Variants in RRBP1 observed in about 807,000 individuals in gnomAD.
The protein encoded by RRBP1 is ribosome binding protein 1.
Under a neutral mutation model 165.2 loss-of-function variants are expected in RRBP1, and 94 were observed. The observed-to-expected ratio is 0.57, with a 90% CI of 0.48 to 0.68. RRBP1 has a LOEUF of 0.68. Ranked by LOEUF, RRBP1 falls within the 30% of genes least tolerant of loss-of-function variation. The pLI, the probability that RRBP1 is intolerant of heterozygous loss-of-function variation, is 0.00. For synonymous variants in RRBP1, 680 were observed against 714.5 expected (o/e 0.95, Z 0.77); for missense variants, 1,676 against 1,763.0 (o/e 0.95, Z 0.88).
intron 18 of RRBP1, 40 bp from the exon 19 acceptor site, chr20:17,619,768 G>A (rs570748595): frequency 2.0e-6 from 3 of 1,476,470 alleles, no homozygotes; most frequent in Non-Finnish European, 2.8e-6. Flanking sequence ...TGCGCCAGCA[G>A]CCTCTGCTCA....
intron 3 of RRBP1, among the ~76,000 whole-genome samples, chr20:17,658,037 G>A (rs1052928335): frequency 1.3e-5 from 2 of 152,160 alleles, no homozygotes; most frequent in Admixed American, 6.5e-5. Flanking sequence ...ACTGTGTGGT[G>A]GACAGAATTA....
rs571729505 is a variant in RRBP1, at chr20:17,668,757, C to T, written c.-21-8229G>A. Among the ~76,000 whole-genome samples, 3 of 152,184 alleles carry T rather than the reference C, an allele frequency of 2.0e-5. No individual in the cohort carries two copies. The South Asian group carries it at 6.2e-4, about 31-fold the overall frequency. On this transcript the variant is annotated intron_variant, in intron 2 of 24. Coordinates refer to ENST00000377813, the MANE Select transcript of RRBP1 (RefSeq NM_001365613.2). ...TCCCAGTCTCAGACAAAATCCCATTCCCCCTGGACATTAAAGCCAAAGACT... is the reference window on the plus strand; with the variant it reads ...TCCCAGTCTCAGACAAAATCCCATTTCCCCTGGACATTAAAGCCAAAGACT...
intron 7 of RRBP1, 104 bp downstream of exon 7, chr20:17,635,442 G>A: frequency 1.2e-6 from 1 of 813,740 alleles, no homozygotes; most frequent in Non-Finnish European, 2.0e-6. Flanking sequence ...CACATGTAGG[G>A]CCCATGCCTG....
At chr20:17,656,903 T>C (rs1394811486) in intron 3 of RRBP1, among the ~76,000 whole-genome samples, 1 of 152,240 alleles carries the variant, frequency 6.6e-6, no homozygotes, top group East Asian at 1.9e-4. Flanking sequence ...ACTCAAGCTG[T>C]TGTGTTACGT....
chr20:17,631,095 G>C (rs1014846824), intron 8 of RRBP1, among the ~76,000 whole-genome samples: 1 of 152,216 alleles, frequency 6.6e-6, no homozygotes, highest in Non-Finnish European at 1.5e-5. Flanking sequence ...TTAGAACGTA[G>C]CAGGGGATTA....
At chr20:17,623,193 G>A (rs1158327751) in intron 13 of RRBP1, 1 of 152,254 alleles carries the variant, frequency 6.6e-6, no homozygotes, top group Non-Finnish European at 1.5e-5. Context: ...TGAGGTCACT[G>A]GGGGCTACAA....
chr20:17,646,539 T>C (rs1165904720), intron 3 of RRBP1, among the ~76,000 whole-genome samples: 2 of 152,166 alleles, frequency 1.3e-5, no homozygotes, highest in African/African-American at 2.4e-5. Context: ...GGGATGATCA[T>C]TGTTCCCCTC....
At chr20:17,618,765 A>C in intron 19 of RRBP1, 86 bp from the exon 20 acceptor site, 1 of 1,017,210 alleles carries the variant, frequency 9.8e-7, no homozygotes, top group South Asian at 1.3e-5. Context: ...CGAAACATAA[A>C]ACCTAACACA....
At chr20:17,665,529 G>A (rs889015303) in intron 2 of RRBP1, among the ~76,000 whole-genome samples, 3 of 152,060 alleles carry the variant, frequency 2.0e-5, no homozygotes, top group African/African-American at 7.2e-5. Flanking sequence ...GTGTCACCAC[G>A]CCCAGCTAAT....
chr20:17,653,651 T>C (rs2122418814), intron 3 of RRBP1, among the ~76,000 whole-genome samples: 1 of 152,158 alleles, frequency 6.6e-6, no homozygotes, highest in East Asian at 1.9e-4. Context: ...GCTGCCAACA[T>C]GGTGAAACCC....
chr20:17,660,343 C>T lies in RRBP1; in HGVS notation c.165G>A (p.Gln55=), dbSNP rs769358412. 1.9e-6 allele frequency: 3 copies of T among 1,613,854 alleles called. No homozygotes were observed. Among genetic ancestry groups the T allele is most frequent in the Non-Finnish European group, 2.5e-6 (3 of 1,179,884 alleles). Residue 55 remains glutamine (Q), a synonymous_variant, in exon 3 of 25, where the codon CAG becomes CAA. Coordinates refer to ENST00000377813, the MANE Select transcript of RRBP1 (RefSeq NM_001365613.2). ...QRKEMAKTHH[Q]KVEKKKKEKT... is the part of the protein sequence containing the mutation. ...TCTCCTTCTTTTTCTTCTCGACTTT[C>T]TGGTGGTGAGTTTTCGCCATCTCCT...
Position 17,616,733 on chromosome 20 carries a change from T to A in RRBP1, c.3866A>T (p.Gln1289Leu). 1 of 1,606,082 alleles carries A rather than the reference T, an allele frequency of 6.2e-7. No individual in the cohort carries two copies. Among genetic ancestry groups the A allele is most frequent in the Non-Finnish European group, 8.5e-7 (1 of 1,175,542 alleles). Reference protein sequence around the residue: ...EAPPAEQDPVQLKTQLEWTEA... With the variant: ...EAPPAEQDPVLLKTQLEWTEA... ...TGGGGACCAGCTCACCGCCCTAACC[T>A]GAACGGGGTCCTGCTCGGCTGGGGG... The change falls in exon 21 of 25, where the codon CAG becomes CTG. Residue 1289 changes from glutamine (Q) to leucine (L), a missense_variant and splice_region_variant. Gln to Leu is a moderately radical substitution (Grantham distance 113, BLOSUM62 -2). Transcript: ENST00000377813.
At chr20:17,670,684 C>T (rs949487805) in intron 2 of RRBP1, among the ~76,000 whole-genome samples, 6 of 152,180 alleles carry the variant, frequency 3.9e-5, no homozygotes, top group Non-Finnish European at 8.8e-5. Flanking sequence ...CCATCACCTT[C>T]CTTCCAAGAA....
chr20:17,637,962 A>G (rs1251218966), intron 5 of RRBP1, among the ~76,000 whole-genome samples: 2 of 152,178 alleles, frequency 1.3e-5, no homozygotes, highest in Admixed American at 6.5e-5. Flanking sequence ...AGAGCCTTGG[A>G]GAGGACACAC....
At chr20:17,640,941 C>T (rs945937704) in intron 5 of RRBP1, among the ~76,000 whole-genome samples, 2 of 152,250 alleles carry the variant, frequency 1.3e-5, no homozygotes, top group African/African-American at 4.8e-5. Flanking sequence ...AGGCCCTCCC[C>T]CTGCGCCCGC....
At chr20:17,638,268 G>A (rs1038727900) in intron 5 of RRBP1, among the ~76,000 whole-genome samples, 5 of 152,214 alleles carry the variant, frequency 3.3e-5, no homozygotes, top group African/African-American at 7.2e-5. Flanking sequence ...CTGAGTTTCC[G>A]ACACAACGGC....
chr20:17,616,740 G>T lies in RRBP1; in HGVS notation c.3859C>A (p.Pro1287Thr), dbSNP rs1160973339. ...CAGCTCACCGCCCTAACCTGAACGGGGTCCTGCTCGGCTGGGGGCGCCTCT... is the reference window on the plus strand; with the variant it reads ...CAGCTCACCGCCCTAACCTGAACGGTGTCCTGCTCGGCTGGGGGCGCCTCT... ...SPEAPPAEQDPVQLKTQLEWT... is the reference protein window; with the variant it reads ...SPEAPPAEQDTVQLKTQLEWT... Residue 1287 changes from proline (P) to threonine (T), a missense_variant, in exon 21 of 25, where the codon CCC becomes ACC. Pro to Thr is a conservative substitution (Grantham distance 38). Coordinates refer to ENST00000377813, the MANE Select transcript of RRBP1 (RefSeq NM_001365613.2). 6.2e-7 allele frequency: 1 copy of T among 1,608,142 alleles called. No homozygotes were observed. Among genetic ancestry groups the T allele is most frequent in the Non-Finnish European group, 8.5e-7 (1 of 1,176,918 alleles).
chr20:17,665,499 G>A (rs187292765), intron 2 of RRBP1, among the ~76,000 whole-genome samples: 1 of 152,176 alleles, frequency 6.6e-6, no homozygotes. Flanking sequence ...AGGCTCCCGA[G>A]TAGCTGGGAT....
intron 22 of RRBP1, 91 bp from the exon 23 acceptor site, chr20:17,615,620 G>GC (rs974223273): frequency 7.1e-5 from 70 of 980,874 alleles, no homozygotes; most frequent in Middle Eastern, 2.2e-4. Flanking sequence ...GGACCAGGGG[G>GC]CCCCCCCAGC....
Sources: allele counts gnomAD v4.1 joint callset (sites outside exome capture counted in the v4.1 genomes callset), GRCh38; gene constraint gnomAD v4.1.1; transcripts MANE v1.5; gene names NCBI Gene and HGNC (gene_info 2026-07-23, HGNC 2026-07-21).